The following MOB3B variants were observed in gnomAD, a reference collection of about 807,000 sequenced individuals.
MOB3B encodes the protein MOB kinase activator-like 2B.
Under a neutral mutation model 18.7 loss-of-function variants are expected in MOB3B, and 7 were observed. The observed-to-expected ratio is 0.37, with a 90% CI of 0.21 to 0.70. The LOEUF is 0.70. MOB3B is among the 30% of genes least tolerant of loss of function. The pLI is 0.52. For synonymous variants in MOB3B, 111 were observed against 99.9 expected (o/e 1.11, Z -0.66); for missense variants, 253 against 281.3 (o/e 0.90, Z 0.72).
At chr9:27,525,786 T>A (rs79903286) in intron 1 of MOB3B, among the ~76,000 whole-genome samples, 1 of 152,340 alleles carries the variant, frequency 6.6e-6, no homozygotes, top group African/African-American at 2.4e-5. Context: ...CAATTTTACA[T>A]TAGATTTTCC....
chr9:27,393,832 G>A (rs946364793), intron 2 of MOB3B, among the ~76,000 whole-genome samples: 1 of 151,972 alleles, frequency 6.6e-6, no homozygotes, highest in African/African-American at 2.4e-5. Context: ...CCAGATCTGT[G>A]GAAATCCAGA....
At chr9:27,343,091 A>T (rs1264364742) in intron 3 of MOB3B, among the ~76,000 whole-genome samples, 1 of 151,924 alleles carries the variant, frequency 6.6e-6, no homozygotes, top group Non-Finnish European at 1.5e-5. Context: ...TCGGTGTAGA[A>T]AGAAGTAGAC....
At chr9:27,505,873 T>C (rs538770973) in intron 1 of MOB3B, among the ~76,000 whole-genome samples, 32 of 152,168 alleles carry the variant, frequency 2.1e-4, no homozygotes, top group African/African-American at 6.7e-4. Context: ...TTTTTCCCCC[T>C]CTCTCTTCCT....
chr9:27,487,875 A>G (rs1411007400), intron 1 of MOB3B, among the ~76,000 whole-genome samples: 1 of 152,062 alleles, frequency 6.6e-6, no homozygotes, highest in Non-Finnish European at 1.5e-5. Context: ...GGTCTTGCTC[A>G]TGGTCTTTTG....
At chr9:27,473,795 T>G (rs77474859) in intron 1 of MOB3B, among the ~76,000 whole-genome samples, 1 of 152,120 alleles carries the variant, frequency 6.6e-6, no homozygotes, top group South Asian at 2.1e-4. Context: ...CAAGACAGTC[T>G]AATCTTTCAA....
intron 1 of MOB3B, among the ~76,000 whole-genome samples, chr9:27,490,703 A>G (rs1819803313): frequency 6.6e-6 from 1 of 152,168 alleles, no homozygotes; most frequent in African/African-American, 2.4e-5. Flanking sequence ...ACAGCAAAAC[A>G]ACTCCAAAGC....
chr9:27,418,091 CAAAAAAAAAA>C (rs57850999), intron 2 of MOB3B, among the ~76,000 whole-genome samples: 1 of 44,062 alleles, frequency 2.3e-5, no homozygotes, highest in Non-Finnish European at 4.4e-5. Flanking sequence ...GACTCCACCT[CAAAAAAAAAA>C]AAAAAAAAAA....
At chr9:27,507,672 C>T (rs1192727162) in intron 1 of MOB3B, among the ~76,000 whole-genome samples, 6 of 152,204 alleles carry the variant, frequency 3.9e-5, no homozygotes, top group African/African-American at 9.7e-5. Context: ...GACTGTTAGG[C>T]TGAGTCCCCT....
chr9:27,351,042 A>T (rs535420615), intron 3 of MOB3B, among the ~76,000 whole-genome samples: 1 of 151,944 alleles, frequency 6.6e-6, no homozygotes, highest in Admixed American at 6.6e-5. Flanking sequence ...AGCTGGGATT[A>T]TGGGCACCTG....
At chr9:27,499,372 G>T (rs1025223159) in intron 1 of MOB3B, among the ~76,000 whole-genome samples, 4 of 152,114 alleles carry the variant, frequency 2.6e-5, no homozygotes, top group Non-Finnish European at 4.4e-5. Context: ...AAGCTTATTA[G>T]GTTCATGAAC....
intron 2 of MOB3B, among the ~76,000 whole-genome samples, chr9:27,372,865 C>T (rs1696665435): frequency 6.6e-6 from 1 of 152,204 alleles, no homozygotes; most frequent in African/African-American, 2.4e-5. Flanking sequence ...AGTTTAATAA[C>T]AGTAGTGTTC....
chr9:27,458,112 G>T lies in MOB3B; in HGVS notation c.-198-2364C>A, dbSNP rs139857241. Among the ~76,000 whole-genome samples, 12 of 152,272 alleles carry T rather than the reference G, an allele frequency of 7.9e-5. 1 individual carries two copies. The East Asian group carries it at 2.3e-3, about 29-fold the overall frequency. ...GTAAAACAGTAACCACCAAACAGCT[G>T]CCCCCTCATGTCTTGAACAAATGAG... On this transcript the variant is annotated intron_variant, in intron 1 of 3. Coordinates refer to ENST00000262244, the MANE Select transcript of MOB3B (RefSeq NM_024761.5).
intron 2 of MOB3B, among the ~76,000 whole-genome samples, chr9:27,388,050 C>A (rs1821671449): frequency 1.3e-5 from 2 of 152,178 alleles, no homozygotes; most frequent in South Asian, 4.1e-4. Flanking sequence ...TACTGCTAAA[C>A]ATTTAACAAT....
chr9:27,490,746 G>A (rs1006230787), intron 1 of MOB3B, among the ~76,000 whole-genome samples: 1 of 152,158 alleles, frequency 6.6e-6, no homozygotes, highest in African/African-American at 2.4e-5. Flanking sequence ...TCTCACTCCA[G>A]TGCTCTTTAC....
chr9:27,349,188 T>C (rs1821072254), intron 3 of MOB3B, among the ~76,000 whole-genome samples: 1 of 152,242 alleles, frequency 6.6e-6, no homozygotes, highest in African/African-American at 2.4e-5. Flanking sequence ...TACCACATTA[T>C]AGCTTAACTG....
At chr9:27,382,431 T>A (rs1821591348) in intron 2 of MOB3B, among the ~76,000 whole-genome samples, 1 of 152,074 alleles carries the variant, frequency 6.6e-6, no homozygotes, top group Admixed American at 6.6e-5. Context: ...CACTCTTTCA[T>A]CCAGAAGCTA....
intron 1 of MOB3B, among the ~76,000 whole-genome samples, chr9:27,494,567 T>G (rs1190769380): frequency 6.6e-6 from 1 of 152,108 alleles, no homozygotes; most frequent in Non-Finnish European, 1.5e-5. Context: ...AATACTGGAG[T>G]GCAGTGGCGC....
intron 1 of MOB3B, chr9:27,525,093 C>T: frequency 1.4e-6 from 1 of 715,776 alleles, no homozygotes. Flanking sequence ...CTCGGAACAT[C>T]AGGGACACTC....
chr9:27,485,480 C>T (rs568445753), intron 1 of MOB3B, among the ~76,000 whole-genome samples: 31 of 152,324 alleles, frequency 2.0e-4, no homozygotes, highest in African/African-American at 6.5e-4. Context: ...CACAAAGCCC[C>T]AAATGTCAGC....
Sources: gnomAD v4.1 joint callset for allele counts (sites outside exome capture counted in the v4.1 genomes callset) on GRCh38, gnomAD v4.1.1 for gene constraint, MANE v1.5 for transcripts, NCBI Gene and HGNC (gene_info 2026-07-23, HGNC 2026-07-21) for gene names.